Variants in VWA3B observed in about 807,000 individuals in gnomAD.
VWA3B encodes von Willebrand factor A domain containing 3B.
Under a neutral mutation model 158.3 loss-of-function variants are expected in VWA3B, and 138 were observed. The ratio of observed to expected loss-of-function variants is 0.87; its 90% CI spans 0.76 to 1.00. The LOEUF (loss-of-function observed/expected upper bound fraction) is 1.00. Among genes scored for constraint, VWA3B ranks in the 50% least tolerant of loss-of-function variants. VWA3B has a pLI of 0.00. For missense variants in VWA3B, 1,555 were observed against 1,565.1 expected, an observed-to-expected ratio of 0.99 and a Z score of 0.11; for synonymous variants, 596 against 587.3, an observed-to-expected ratio of 1.01 and a Z score of -0.21.
intron 8 of VWA3B, among the ~76,000 whole-genome samples, chr2:98,167,442 C>T (rs180810534): frequency 5.3e-5 from 8 of 152,206 alleles, no homozygotes; most frequent in Admixed American, 1.3e-4. Flanking sequence ...CCAGTGATTT[C>T]TGACATACAG....
chr2:98,320,566 A>T, the VWA3B span, among the ~76,000 whole-genome samples: 1 of 152,230 alleles, frequency 6.6e-6, no homozygotes, highest in African/African-American at 2.4e-5. Flanking sequence ...TGATATGGAC[A>T]ATAAAGTCCA....
chr2:98,209,860 C>T (rs992107420), intron 12 of VWA3B, among the ~76,000 whole-genome samples: 27 of 152,138 alleles, frequency 1.8e-4, no homozygotes, highest in African/African-American at 5.3e-4. Context: ...TCTGTTTATT[C>T]GGCGCAGTCG....
intron 11 of VWA3B, among the ~76,000 whole-genome samples, chr2:98,193,715 A>G (rs949022894): frequency 6.6e-6 from 1 of 151,336 alleles, no homozygotes; most frequent in African/African-American, 2.4e-5. Flanking sequence ...CCTGTCTCCC[A>G]AGTAGCTGGG....
chr2:98,090,603 G>T (rs1682210373), intron 1 of VWA3B, among the ~76,000 whole-genome samples: 1 of 152,096 alleles, frequency 6.6e-6, no homozygotes, highest in Admixed American at 6.5e-5. Flanking sequence ...TGCTCTCCAA[G>T]TAATATTGCA....
chr2:98,111,494 G>T (rs1387409679), intron 2 of VWA3B, among the ~76,000 whole-genome samples: 1 of 152,134 alleles, frequency 6.6e-6, no homozygotes, highest in African/African-American at 2.4e-5. Context: ...CATAGAGGTT[G>T]TACTAATTTA....
intron 6 of VWA3B, among the ~76,000 whole-genome samples, chr2:98,131,400 GTA>G (rs1675862219): frequency 6.6e-6 from 1 of 152,194 alleles, no homozygotes; most frequent in Non-Finnish European, 1.5e-5. Context: ...GAATAGTGCT[GTA>G]ATAAACACAG....
the VWA3B span, among the ~76,000 whole-genome samples, chr2:98,328,904 T>G: frequency 1.3e-5 from 2 of 152,186 alleles, no homozygotes; most frequent in Non-Finnish European, 2.9e-5. Flanking sequence ...ACCATGAAGT[T>G]GGGGGATTTA....
In VWA3B at chr2:98,311,974, G is replaced by A. The variant is rs200056011; in HGVS notation, c.3677G>A (p.Gly1226Asp). 7.5e-6 allele frequency: 12 copies of A among 1,604,720 alleles called. No individual in the cohort carries two copies. Among genetic ancestry groups the A allele is most frequent in the Non-Finnish European group, 1.0e-5 (12 of 1,175,670 alleles). Residue 1226 changes from glycine (G) to aspartate (D), a missense_variant, in exon 27 of 28, where the codon GGC becomes GAC. Transcript: ENST00000477737. Reference protein sequence around the residue: ...LQQAAPSDSDGSSHGISSHGS... With the variant: ...LQQAAPSDSDDSSHGISSHGS... ...CAGGCGGCGCCCTCGGACTCGGACG[G>A]CTCCTCCCACGGCATCAGCTCCCAT...
intron 2 of VWA3B, among the ~76,000 whole-genome samples, chr2:98,113,929 A>T (rs1052003314): frequency 2.0e-5 from 3 of 152,112 alleles, no homozygotes; most frequent in African/African-American, 7.2e-5. Flanking sequence ...TGGAGAGCTG[A>T]TTTTCATTCT....
At chr2:98,289,155 G>A (rs1265120781) in intron 22 of VWA3B, among the ~76,000 whole-genome samples, 1 of 151,450 alleles carries the variant, frequency 6.6e-6, no homozygotes, top group African/African-American at 2.4e-5. Context: ...TTCTCCTTCA[G>A]TATGTAAAAT....
chr2:98,206,522 CT>C (rs1331388078), intron 12 of VWA3B: 4 of 490,796 alleles, frequency 8.2e-6, no homozygotes, highest in Non-Finnish European at 1.6e-5. Flanking sequence ...CCAGAAAGTC[CT>C]GGATTCTGGT....
At chr2:98,212,492 C>A (rs1347226747) in intron 13 of VWA3B, among the ~76,000 whole-genome samples, 1 of 152,020 alleles carries the variant, frequency 6.6e-6, no homozygotes, top group African/African-American at 2.4e-5. Context: ...TTGTTTAGCC[C>A]GACTGGAAAA....
intron 8 of VWA3B, among the ~76,000 whole-genome samples, chr2:98,169,655 G>A (rs887819098): frequency 7.2e-5 from 11 of 152,106 alleles, no homozygotes; most frequent in Admixed American, 3.9e-4. Context: ...AGAAGAGAAG[G>A]AGAGTCACTC....
At position 98,225,621 on chromosome 2, in the gene VWA3B, A is replaced by C. The variant is rs183141647; in HGVS notation, c.2020-2581A>C. 2.6e-5 allele frequency among the ~76,000 whole-genome samples: 4 copies of C among 152,258 alleles called. No homozygotes were observed. In the East Asian group the frequency reaches 7.7e-4, roughly 29 times the overall value. The stretch of plus-strand genomic sequence containing the variant: ...GGGAACAAGGCAAGAAAAGAAATAA[A>C]AGGCATACAGATTGAGAAGGAAGAA... On this transcript the variant is annotated intron_variant, in intron 14 of 27. Coordinates refer to ENST00000477737, the MANE Select transcript of VWA3B (RefSeq NM_144992.5).
Position 98,230,079 on chromosome 2 carries a change from C to A in VWA3B, c.2180C>A (p.Ser727Ter). The A allele has an allele frequency of 6.3e-7, 1 of 1,593,556 alleles. No individual in the cohort carries two copies. The highest frequency in any genetic ancestry group is 1.4e-5 in the African/African-American group (1 of 73,598). Reference protein sequence around the residue: ...KHQKEICSMISTPEKCAKPQS... With the variant: ...KHQKEICSMI ...CAAAAGGAAATCTGTTCTATGATTTCAACCCCAGAAAAGTGTGCAAAGCCT... is the reference window on the plus strand; with the variant it reads ...CAAAAGGAAATCTGTTCTATGATTTAAACCCCAGAAAAGTGTGCAAAGCCT... Residue 727 changes from serine to a stop codon, truncating the protein, a stop_gained, in exon 16 of 28, where the codon TCA becomes TAA. Transcript: ENST00000477737. LOFTEE classifies it high-confidence loss of function.
In VWA3B at chr2:98,169,505, A is replaced by G. The variant is rs145329060; in HGVS notation, c.1114+6529A>G. 5.3e-5 allele frequency among the ~76,000 whole-genome samples: 8 copies of G among 152,338 alleles called. No homozygotes were observed. In the East Asian group the frequency reaches 1.5e-3, roughly 29 times the overall value. On this transcript the variant is annotated intron_variant, in intron 8 of 27. Transcript: ENST00000477737. ...AGAACAGATAGGGCCAATAGAAAAC[A>G]AATAGCAAGATGATAAACATAAATC... is the stretch of plus-strand genomic sequence containing the variant.
intron 2 of VWA3B, among the ~76,000 whole-genome samples, chr2:98,102,774 G>A (rs1401990831): frequency 6.6e-6 from 1 of 152,158 alleles, no homozygotes; most frequent in African/African-American, 2.4e-5. Context: ...TCTATGCTTT[G>A]ATGGCATTTG....
intron 12 of VWA3B, chr2:98,207,706 T>TA: frequency 4.9e-6 from 2 of 411,560 alleles, no homozygotes; most frequent in East Asian, 5.7e-5. Flanking sequence ...CAGAAGCTGA[T>TA]ACGCTGGCTG....
At position 98,184,217 on chromosome 2, in the gene VWA3B, A is replaced by AT. The variant is rs556913297; in HGVS notation, c.1311+3006dup. Among the ~76,000 whole-genome samples the AT allele has an allele frequency of 1.1e-4, 17 of 152,314 alleles. No individual in the cohort carries two copies. In the East Asian group the frequency reaches 3.1e-3, roughly 28 times the overall value. On this transcript the variant is annotated intron_variant, in intron 9 of 27. Coordinates refer to ENST00000477737, the MANE Select transcript of VWA3B (RefSeq NM_144992.5). Reference sequence around the variant, plus strand: ...CTGGTGGTTTTCCATTTGGCTGTGCATGAGGCACACTCGGGAAATGCCCTT... The same window carrying AT: ...CTGGTGGTTTTCCATTTGGCTGTGCATTGAGGCACACTCGGGAAATGCCCTT...
Sources: gnomAD v4.1 joint callset for allele counts (sites outside exome capture counted in the v4.1 genomes callset) on GRCh38, gnomAD v4.1.1 for gene constraint, MANE v1.5 for transcripts, NCBI Gene and HGNC (gene_info 2026-07-23, HGNC 2026-07-21) for gene names.